The following SEPTIN2 variants were observed in gnomAD, a reference collection of about 807,000 sequenced individuals.
SEPTIN2 encodes the protein septin 2.
In SEPTIN2, 34 loss-of-function variants were observed where a neutral mutation model predicts 46.5. That is an observed-to-expected ratio of 0.73 (90% CI 0.56 to 0.97). The LOEUF is 0.97. Ranked by LOEUF, SEPTIN2 falls within the 50% of genes least tolerant of loss-of-function variation. The pLI is 0.00. For synonymous variants in SEPTIN2, 175 were observed against 153.4 expected, an observed-to-expected ratio of 1.14 and a Z score of -1.04; for missense variants, 347 against 448.4, an observed-to-expected ratio of 0.77 and a Z score of 2.04.
chr2:241,318,385 A>G (rs550934945), intron 1 of SEPTIN2: 1 of 152,206 alleles, frequency 6.6e-6, no homozygotes, highest in Non-Finnish European at 1.5e-5. Context: ...TTGGCATTTA[A>G]TCTTTCCATG....
chr2:241,324,284 CTTTATGT>C, intron 2 of SEPTIN2, 43 bp downstream of exon 2: 1 of 1,555,678 alleles, frequency 6.4e-7, no homozygotes, highest in Non-Finnish European at 8.8e-7. Flanking sequence ...GGAGAAATTG[CTTTATGT>C]TTTCAGACTG....
At chr2:241,335,940 G>A (rs1446612207) in intron 4 of SEPTIN2, 35 bp from the exon 5 acceptor site, 2 of 1,613,958 alleles carry the variant, frequency 1.2e-6, no homozygotes, top group Non-Finnish European at 8.5e-7. Context: ...TTCACATGCT[G>A]CTTATATTCC....
In SEPTIN2 at chr2:241,322,940, C is replaced by T. The variant is rs74000639; in HGVS notation, c.-17-1276C>T. ...GTGTCCCTAGTGTCTAACATATAGT[C>T]AGTACTGAAAAAAAATTTGAATATT... On this transcript the variant is annotated intron_variant, in intron 1 of 12. Transcript: ENST00000391971. Among the ~76,000 whole-genome samples the T allele has an allele frequency of 5.8e-3, 883 of 152,016 alleles. 9 individuals are homozygous for T. The highest frequency in any genetic ancestry group is 0.02 in the African/African-American group (830 of 41,448).
intron 3 of SEPTIN2, among the ~76,000 whole-genome samples, chr2:241,331,817 C>T (rs906229912): frequency 2.6e-5 from 4 of 152,182 alleles, no homozygotes; most frequent in Admixed American, 2.6e-4. Flanking sequence ...TCCCTGATTT[C>T]AAGACTTAAC....
In SEPTIN2 at chr2:241,337,694, G is replaced by A. The variant is rs34185831; in HGVS notation, c.498G>A (p.Ala166=). ...FGHGLKPLDV[A]FMKAIHNKVN... Reference sequence around the variant, plus strand: ...TTAGACTTAAGCCCTTAGATGTGGCGTTTATGAAGGCAATACACAACAAGG... The same window carrying A: ...TTAGACTTAAGCCCTTAGATGTGGCATTTATGAAGGCAATACACAACAAGG... The change falls in exon 7 of 13, where the codon GCG becomes GCA. Residue 166 remains alanine, a synonymous_variant. Transcript: ENST00000391971. 2.8e-3 allele frequency: 4,471 copies of A among 1,613,742 alleles called. 21 individuals carry two copies. Among genetic ancestry groups the A allele is most frequent in the Non-Finnish European group, 2.8e-3 (3,329 of 1,179,804 alleles).
chr2:241,334,706 A>G (rs1422865621), intron 3 of SEPTIN2, among the ~76,000 whole-genome samples: 2 of 152,244 alleles, frequency 1.3e-5, no homozygotes, highest in East Asian at 1.9e-4. Context: ...GGTTGTTGAC[A>G]CTATGGGATA....
At chr2:241,341,971 A>C (rs1219983211) in intron 7 of SEPTIN2, among the ~76,000 whole-genome samples, 1 of 152,182 alleles carries the variant, frequency 6.6e-6, no homozygotes, top group Non-Finnish European at 1.5e-5. Context: ...ACTTCAGCCC[A>C]GTTCTTTCTC....
intron 1 of SEPTIN2, among the ~76,000 whole-genome samples, chr2:241,318,084 T>A (rs2076630791): frequency 6.7e-6 from 1 of 149,408 alleles, no homozygotes; most frequent in Admixed American, 6.6e-5. Flanking sequence ...GTTAATAAAT[T>A]ATGAGAGAAA....
At chr2:241,331,470 A>G (rs918864300) in intron 3 of SEPTIN2, among the ~76,000 whole-genome samples, 3 of 152,046 alleles carry the variant, frequency 2.0e-5, no homozygotes, top group African/African-American at 7.3e-5. Flanking sequence ...GATTTTGGCA[A>G]CCTCCACCTC....
chr2:241,344,488 G>A (rs2081713670), intron 9 of SEPTIN2, among the ~76,000 whole-genome samples: 1 of 152,046 alleles, frequency 6.6e-6, no homozygotes, highest in Non-Finnish European at 1.5e-5. Flanking sequence ...CACGAGGTCA[G>A]GAGTTCAAGA....
chr2:241,343,743 T>A lies in SEPTIN2; in HGVS notation c.697-9T>A, dbSNP rs1193892412. On this transcript the variant is annotated splice_polypyrimidine_tract_variant and intron_variant, in intron 8 of 12. Coordinates refer to ENST00000391971, the MANE Select transcript of SEPTIN2 (RefSeq NM_004404.5). ...GTGGAGCCTGTCTACTCTGTGTGTC[T>A]CTTTCTAGGCTAGCATCCCATTCTC... 6.2e-7 allele frequency: 1 copy of A among 1,613,968 alleles called. No homozygotes were observed. Among genetic ancestry groups the A allele is most frequent in the African/African-American group, 1.3e-5 (1 of 74,910 alleles).
chr2:241,339,524 T>C (rs2080965327), intron 7 of SEPTIN2, among the ~76,000 whole-genome samples: 1 of 152,204 alleles, frequency 6.6e-6, no homozygotes, highest in African/African-American at 2.4e-5. Context: ...TTTAAAAATA[T>C]TTGGAAGCAT....
chr2:241,334,123 C>G (rs906684007), intron 3 of SEPTIN2, among the ~76,000 whole-genome samples: 1 of 152,146 alleles, frequency 6.6e-6, no homozygotes, highest in Non-Finnish European at 1.5e-5. Context: ...ATCCTCCAGC[C>G]TTGGTCTGCT....
At chr2:241,317,635 C>A in intron 1 of SEPTIN2, 1 of 844,756 alleles carries the variant, frequency 1.2e-6, no homozygotes, top group Non-Finnish European at 1.4e-6. Flanking sequence ...TGTTAGTAGT[C>A]ATACATGCCA....
intron 3 of SEPTIN2, among the ~76,000 whole-genome samples, chr2:241,329,154 C>T (rs2078542075): frequency 6.6e-6 from 1 of 151,864 alleles, no homozygotes; most frequent in South Asian, 2.1e-4. Flanking sequence ...GAGATGGAGC[C>T]TCGCTCTGTT....
At chr2:241,349,545 G>A (rs1034811589) in intron 11 of SEPTIN2, among the ~76,000 whole-genome samples, 18 of 151,968 alleles carry the variant, frequency 1.2e-4, no homozygotes, top group Non-Finnish European at 2.2e-4. Flanking sequence ...CATATTGGCC[G>A]GGCGCGGTGG....
intron 10 of SEPTIN2, 52 bp downstream of exon 10, chr2:241,346,301 T>A: frequency 7.1e-7 from 1 of 1,400,394 alleles, no homozygotes; most frequent in Non-Finnish European, 1.0e-6. Context: ...AGCCACAATG[T>A]TCCTCCTCCT....
At chr2:241,348,487 T>TC (rs2060479545) in intron 11 of SEPTIN2, among the ~76,000 whole-genome samples, 1 of 152,136 alleles carries the variant, frequency 6.6e-6, no homozygotes, top group Non-Finnish European at 1.5e-5. Flanking sequence ...CACCTTGGCC[T>TC]CCCAAAGTGC....
rs762850134 is a variant in SEPTIN2 at position 241,326,033 on chromosome 2, A to G, written c.50A>G (p.Tyr17Cys). The change falls in exon 3 of 13, where the codon TAT becomes TGT. Residue 17 changes from tyrosine to cysteine, a missense_variant. Transcript: ENST00000391971. ...TQFINPETPG[Y>C]VGFANLPNQV... ...TTTATAAATCCAGAAACACCTGGCT[A>G]TGTTGGATTTGCAAACCTCCCCAAT... The G allele has an allele frequency of 1.8e-5, 29 of 1,613,756 alleles. No individual in the cohort carries two copies. The highest frequency in any genetic ancestry group is 2.4e-5 in the Non-Finnish European group (28 of 1,179,824).
Sources: gnomAD v4.1 joint callset for allele counts (sites outside exome capture counted in the v4.1 genomes callset) on GRCh38, gnomAD v4.1.1 for gene constraint, MANE v1.5 for transcripts, NCBI Gene and HGNC (gene_info 2026-07-23, HGNC 2026-07-21) for gene names.